The following LITAF variants were observed in gnomAD, a reference collection of about 807,000 sequenced individuals.
The protein encoded by LITAF is lipopolysaccharide induced TNF factor.
Under a neutral mutation model 14.5 loss-of-function variants are expected in LITAF, and 9 were observed. The observed-to-expected ratio is 0.62, with a 90% confidence interval of 0.37 to 1.08. The LOEUF (loss-of-function observed/expected upper bound fraction) is 1.08. Among genes scored for constraint, LITAF ranks in the 50% least tolerant of loss-of-function variants. The probability of loss-of-function intolerance (pLI) is 0.01; values close to 1 mark genes in which losing one functional copy is unlikely to be tolerated. For missense variants in LITAF, 206 were observed against 213.4 expected (o/e 0.97, Z 0.22); for synonymous variants, 98 against 88.2 (o/e 1.11, Z -0.62).
At chr16:11,602,760 CAAAAAAAA>C (rs35880448), upstream of LITAF, among the ~76,000 whole-genome samples, 9 of 114,206 alleles carry the variant, frequency 7.9e-5, no homozygotes, top group African/African-American at 1.0e-4. Context: ...TGGCTTGTTG[CAAAAAAAA>C]AAAAAAAAAA....
intron 1 of LITAF, chr16:11,575,365 G>C (rs1474709381): frequency 6.6e-6 from 1 of 152,252 alleles, no homozygotes; most frequent in African/African-American, 2.4e-5. Flanking sequence ...CAAGGGGGCA[G>C]ATCTGGGTAC....
intron 2 of LITAF, among the ~76,000 whole-genome samples, chr16:11,555,294 G>A (rs923078474): frequency 6.6e-6 from 1 of 152,146 alleles, no homozygotes; most frequent in African/African-American, 2.4e-5. Flanking sequence ...CTCCTCAGTA[G>A]CTAGGATTAC....
At chr16:11,593,046 C>A (rs1172856002) in intron 1 of LITAF, among the ~76,000 whole-genome samples, 2 of 152,130 alleles carry the variant, frequency 1.3e-5, no homozygotes, top group African/African-American at 4.8e-5. Flanking sequence ...TGGCAGGCGC[C>A]TGTAGCCCCA....
chr16:11,567,077 C>T (rs1324154637), intron 1 of LITAF, among the ~76,000 whole-genome samples: 1 of 152,036 alleles, frequency 6.6e-6, no homozygotes, highest in Admixed American at 6.5e-5. Flanking sequence ...TGTTTCTCAA[C>T]AGGGCACCCT....
At chr16:11,627,675 C>G (rs967982867) in intron 3 of LITAF, among the ~76,000 whole-genome samples, 5 of 152,134 alleles carry the variant, frequency 3.3e-5, no homozygotes, top group African/African-American at 9.7e-5. Context: ...AAAACCCCAT[C>G]TCTACTAAAA....
At chr16:11,631,617 T>C (rs932578398) in intron 3 of LITAF, among the ~76,000 whole-genome samples, 1 of 152,236 alleles carries the variant, frequency 6.6e-6, no homozygotes, top group East Asian at 1.9e-4. Context: ...CGCGAATTCC[T>C]GGGCTCAAAG....
upstream of LITAF, among the ~76,000 whole-genome samples, chr16:11,639,223 G>C (rs1454788321): frequency 1.3e-5 from 2 of 151,382 alleles, no homozygotes; most frequent in African/African-American, 2.5e-5. Context: ...ATGGTTAGAG[G>C]GAGAGAGGGA....
chr16:11,629,808 C>T (rs893994689), intron 3 of LITAF, among the ~76,000 whole-genome samples: 3 of 152,136 alleles, frequency 2.0e-5, no homozygotes, highest in Non-Finnish European at 4.4e-5. Flanking sequence ...GCTCCAGGGG[C>T]GCGCAGCTCA....
intron 3 of LITAF, among the ~76,000 whole-genome samples, chr16:11,631,392 A>G (rs1224932013): frequency 6.6e-6 from 1 of 152,024 alleles, no homozygotes; most frequent in African/African-American, 2.4e-5. Context: ...CACTCTGCAC[A>G]TGGCTTTTTG....
chr16:11,612,697 C>T (rs2064990012), intron 3 of LITAF, among the ~76,000 whole-genome samples: 1 of 152,186 alleles, frequency 6.6e-6, no homozygotes, highest in Non-Finnish European at 1.5e-5. Flanking sequence ...CACTTCCCCA[C>T]CCCATTCTCC....
intron 2 of LITAF, among the ~76,000 whole-genome samples, chr16:11,554,576 A>T (rs1168037068): frequency 6.6e-6 from 1 of 152,038 alleles, no homozygotes; most frequent in Admixed American, 6.6e-5. Flanking sequence ...GTGGATCACC[A>T]GAGGTCAGGA....
intron 3 of LITAF, among the ~76,000 whole-genome samples, chr16:11,609,487 T>TA (rs983191918): frequency 1.3e-5 from 2 of 152,188 alleles, no homozygotes; most frequent in Non-Finnish European, 2.9e-5. Context: ...GCGCTGGAAT[T>TA]ACAGGCGTGA....
chr16:11,556,931 A>T lies in LITAF; in HGVS notation c.-5-196T>A, dbSNP rs28624146. Among the ~76,000 whole-genome samples, 1,377 of 152,336 alleles carry T rather than the reference A, an allele frequency of 9.0e-3. 16 individuals are homozygous for T. Among genetic ancestry groups the T allele is most frequent in the African/African-American group, 0.031 (1,295 of 41,580 alleles). On this transcript the variant is annotated intron_variant, in intron 1 of 3. Coordinates refer to ENST00000622633, the MANE Select transcript of LITAF (RefSeq NM_001136472.2). ...ATTAATCAAAAAGTAAATAATTACTACCCAAAATCACCAAAACCTGGAAAA... is the reference window on the plus strand; with the variant it reads ...ATTAATCAAAAAGTAAATAATTACTTCCCAAAATCACCAAAACCTGGAAAA...
In LITAF at chr16:11,558,860, G is replaced by A. The variant is rs578122259; in HGVS notation, c.-5-2125C>T. On this transcript the variant is annotated intron_variant, in intron 1 of 3. Transcript: ENST00000622633. The surrounding 1 kb of genome is among the most constrained non-coding windows in gnomAD (Gnocchi z 4.1). ...GTTCAAGACTTCTTTCTATCAGAGT[G>A]CTGTCCAACAGAATCTTCTGTGAGG... Among the ~76,000 whole-genome samples, 1 of 152,314 alleles carries A rather than the reference G, an allele frequency of 6.6e-6. No individual in the cohort carries two copies. Among genetic ancestry groups the A allele is most frequent in the Admixed American group, 6.5e-5 (1 of 15,300 alleles).
At chr16:11,604,349 T>G (rs1021087098) in intron 3 of LITAF, among the ~76,000 whole-genome samples, 2 of 152,194 alleles carry the variant, frequency 1.3e-5, no homozygotes, top group Non-Finnish European at 2.9e-5. Context: ...GTATTTCATA[T>G]ATCATTAGTT....
intron 1 of LITAF, among the ~76,000 whole-genome samples, chr16:11,574,886 T>TCTGG (rs59616351): frequency 0.77 from 116,798 of 151,626 alleles, 45,498 homozygotes; most frequent in African/African-American, 0.87. Flanking sequence ...CACTGCAACC[T>TCTGG]CTGCCTCCCA....
At chr16:11,566,287 C>T (rs2064449978) in intron 1 of LITAF, among the ~76,000 whole-genome samples, 1 of 152,136 alleles carries the variant, frequency 6.6e-6, no homozygotes, top group Non-Finnish European at 1.5e-5. Flanking sequence ...CATAGGGTGA[C>T]CCAATGTCCC....
chr16:11,614,389 T>C (rs1487807451), intron 3 of LITAF, among the ~76,000 whole-genome samples: 2 of 145,600 alleles, frequency 1.4e-5, no homozygotes, highest in Non-Finnish European at 3.0e-5. Flanking sequence ...AACCTCCACC[T>C]CCCAGGTTCA....
chr16:11,616,191 G>C (rs927530012), intron 3 of LITAF, among the ~76,000 whole-genome samples: 1 of 152,114 alleles, frequency 6.6e-6, no homozygotes, highest in Non-Finnish European at 1.5e-5. Context: ...AACTGGAATA[G>C]TGCTGGACAC....
Sources: allele counts gnomAD v4.1 joint callset (sites outside exome capture counted in the v4.1 genomes callset), GRCh38; gene constraint gnomAD v4.1.1; non-coding constraint Gnocchi (gnomAD v3.1); transcripts MANE v1.5; gene names NCBI Gene and HGNC (gene_info 2026-07-23, HGNC 2026-07-21).